The following C2CD3 variants were observed in gnomAD, a reference collection of about 807,000 sequenced individuals.
C2CD3 encodes C2 domain-containing protein 3.
C2CD3 carries 148 observed loss-of-function variants against 234.0 expected under a neutral mutation model. The ratio of observed to expected loss-of-function variants is 0.63; its 90% CI spans 0.55 to 0.72. The LOEUF is 0.72. Ranked by LOEUF, C2CD3 falls within the 30% of genes least tolerant of loss-of-function variation. The pLI is 0.00. For synonymous variants in C2CD3, 1,000 were observed against 1,035.4 expected, an observed-to-expected ratio of 0.97 and a Z score of 0.66; for missense variants, 2,577 against 2,811.5, an observed-to-expected ratio of 0.92 and a Z score of 1.89.
chr11:74,025,954 GT>G (rs2135406270), intron 32 of C2CD3, among the ~76,000 whole-genome samples: 1 of 152,282 alleles, frequency 6.6e-6, no homozygotes, highest in African/African-American at 2.4e-5. Flanking sequence ...TGATGGGTGT[GT>G]GTGGGAAATG....
rs1460194936 is a variant in C2CD3 at position 74,085,861 on chromosome 11, G to C, written c.3667C>G (p.Leu1223Val). The change falls in exon 21 of 33, where the codon CTA becomes GTA. Residue 1223 changes from leucine to valine, a missense_variant. Transcript: ENST00000334126. Reference sequence around the variant, plus strand: ...ACCCCGACTGTGGCACTAAACTGTAGAGCGGGTTCCCGTTCAGCCAAAGCC... The same window carrying C: ...ACCCCGACTGTGGCACTAAACTGTACAGCGGGTTCCCGTTCAGCCAAAGCC... ...AKALAEREPA[L>V]QFSATVGVNA... 6.2e-7 allele frequency: 1 copy of C among 1,613,706 alleles called. No individual in the cohort carries two copies. The highest frequency in any genetic ancestry group is 1.1e-5 in the South Asian group (1 of 91,052).
intron 19 of C2CD3, 116 bp from the exon 20 acceptor site, chr11:74,091,052 G>A: frequency 1.0e-6 from 1 of 956,444 alleles, no homozygotes; most frequent in African/African-American, 1.6e-5. Flanking sequence ...GAACAATAAG[G>A]GCAATGAGAG....
chr11:74,165,186 TTC>T (rs1856725362), intron 2 of C2CD3, among the ~76,000 whole-genome samples: 1 of 152,246 alleles, frequency 6.6e-6, no homozygotes, highest in South Asian at 2.1e-4. Context: ...ACATTTCCTC[TTC>T]TTTTTTTATA....
intron 23 of C2CD3, 36 bp from the exon 24 acceptor site, chr11:74,074,636 C>A: frequency 2.0e-6 from 3 of 1,536,440 alleles, no homozygotes; most frequent in Non-Finnish European, 2.7e-6. Flanking sequence ...GCTAGTCAAG[C>A]AGGAACCAAG....
chr11:74,151,386 C>T (rs568911767), intron 3 of C2CD3, among the ~76,000 whole-genome samples: 260 of 152,104 alleles, frequency 1.7e-3, no homozygotes, highest in Non-Finnish European at 3.3e-3. Flanking sequence ...GGCATGATCT[C>T]GGCCCACTGC....
At chr11:74,116,110 A>C (rs1211834559) in intron 9 of C2CD3, among the ~76,000 whole-genome samples, 4 of 152,188 alleles carry the variant, frequency 2.6e-5, no homozygotes. Flanking sequence ...CAACAAAAAC[A>C]AAGATAAATA....
chr11:74,023,199 G>A (rs933486396), intron 32 of C2CD3, among the ~76,000 whole-genome samples: 4 of 152,184 alleles, frequency 2.6e-5, no homozygotes, highest in African/African-American at 9.7e-5. Context: ...CGATCATGTG[G>A]GGAAACCAGG....
chr11:74,114,006 C>A, intron 10 of C2CD3, 114 bp from the exon 11 acceptor site: 1 of 639,772 alleles, frequency 1.6e-6, no homozygotes, highest in Non-Finnish European at 2.6e-6. Context: ...TACTCAGAGG[C>A]CCTACCTCTT....
At chr11:74,127,491 T>G (rs80155977) in intron 7 of C2CD3, among the ~76,000 whole-genome samples, 26 of 152,152 alleles carry the variant, frequency 1.7e-4, no homozygotes, top group African/African-American at 5.5e-4. Flanking sequence ...TTTTTTTTTT[T>G]GCATGTGACT....
chr11:74,167,300 A>G (rs1258245920), intron 2 of C2CD3, among the ~76,000 whole-genome samples: 1 of 152,162 alleles, frequency 6.6e-6, no homozygotes, highest in Non-Finnish European at 1.5e-5. Context: ...CTACCTGAGG[A>G]TTTAATTTTT....
chr11:74,153,213 AAC>A (rs963289816), intron 3 of C2CD3, among the ~76,000 whole-genome samples: 1 of 48,178 alleles, frequency 2.1e-5, no homozygotes, highest in African/African-American at 5.7e-5. Flanking sequence ...GTCTCTTAAA[AAC>A]AAAACAAAAC....
At chr11:74,144,568 C>G (rs1340709692) in intron 3 of C2CD3, among the ~76,000 whole-genome samples, 1 of 152,082 alleles carries the variant, frequency 6.6e-6, no homozygotes, top group African/African-American at 2.4e-5. Context: ...GCACAGTACC[C>G]GACAGGTTTT....
chr11:74,114,573 A>T lies in C2CD3; in HGVS notation c.1541T>A (p.Met514Lys), dbSNP rs192311547. Residue 514 changes from methionine to lysine, a missense_variant, in exon 10 of 33, where the codon ATG becomes AAG. Met to Lys is a moderately conservative substitution (Grantham distance 95). Transcript: ENST00000334126. ...GGCATCTTCTGGAGTTTCTGAGAGC[A>T]TCTGTTGTTCAACCAAATTTCTGAA... ...KRNRNLVEQQ[M>K]LSETPEDAQT... 1 of 1,613,904 alleles carries T rather than the reference A, an allele frequency of 6.2e-7. No homozygotes were observed. The highest frequency in any genetic ancestry group is 2.2e-5 in the East Asian group (1 of 44,870).
intron 32 of C2CD3, among the ~76,000 whole-genome samples, chr11:74,020,140 G>A (rs1952028486): frequency 6.6e-6 from 1 of 152,234 alleles, no homozygotes; most frequent in African/African-American, 2.4e-5. Context: ...CAGAGCGTGG[G>A]CTTAACACAG....
chr11:74,083,593 C>A (rs1955495355), intron 22 of C2CD3, among the ~76,000 whole-genome samples: 1 of 152,056 alleles, frequency 6.6e-6, no homozygotes, highest in Non-Finnish European at 1.5e-5. Flanking sequence ...AACAAACTTA[C>A]AAGAAAAAAA....
At chr11:74,090,442 A>C (rs1368426317) in intron 20 of C2CD3, among the ~76,000 whole-genome samples, 2 of 152,172 alleles carry the variant, frequency 1.3e-5, no homozygotes, top group South Asian at 4.1e-4. Flanking sequence ...GAACAGACTA[A>C]AGGGGTGCAA....
intron 31 of C2CD3, among the ~76,000 whole-genome samples, chr11:74,030,505 C>T (rs947235057): frequency 6.6e-6 from 1 of 152,192 alleles, no homozygotes; most frequent in East Asian, 1.9e-4. Context: ...CTGACCACGA[C>T]GTCCTGAAAC....
rs1954012897 is a variant in C2CD3 at position 74,057,532 on chromosome 11, G to A, written c.4964C>T (p.Thr1655Ile). 1.2e-6 allele frequency: 2 copies of A among 1,614,048 alleles called. No individual in the cohort carries two copies. The highest frequency in any genetic ancestry group is 2.7e-5 in the African/African-American group (2 of 74,926). ...ACTGGGTATCGATACTTTCCGCTCTGTCAAGGGGCTCCCTGAAATAGAATA... is the reference window on the plus strand; with the variant it reads ...ACTGGGTATCGATACTTTCCGCTCTATCAAGGGGCTCCCTGAAATAGAATA... Reference protein sequence around the residue: ...MHLSLKGSPLTERKVSIPSCC... With the variant: ...MHLSLKGSPLIERKVSIPSCC... Residue 1655 changes from threonine to isoleucine, a missense_variant, in exon 25 of 33, where the codon ACA becomes ATA. Physicochemically the swap from Thr to Ile is moderately conservative, Grantham distance 89 (BLOSUM62 -1). Transcript: ENST00000334126.
At chr11:74,024,901 G>T (rs560683976) in intron 32 of C2CD3, among the ~76,000 whole-genome samples, 5 of 152,192 alleles carry the variant, frequency 3.3e-5, no homozygotes, top group Admixed American at 1.3e-4. Flanking sequence ...TGCTAAAACT[G>T]CATCAGTTCT....
Sources: allele counts gnomAD v4.1 joint callset (sites outside exome capture counted in the v4.1 genomes callset), GRCh38; gene constraint gnomAD v4.1.1; transcripts MANE v1.5; gene names NCBI Gene and HGNC (gene_info 2026-07-23, HGNC 2026-07-21).